Variants in PLCXD3 observed in about 807,000 individuals in gnomAD.
PLCXD3 encodes the protein PI-PLC X domain-containing protein 3.
PLCXD3 carries 19 observed loss-of-function variants against 25.5 expected under a neutral mutation model. The observed-to-expected ratio is 0.75, with a 90% CI of 0.52 to 1.09. The LOEUF is 1.09. PLCXD3 is among the 50% of genes least tolerant of loss of function. PLCXD3 has a pLI of 0.00. For synonymous variants in PLCXD3, 174 were observed against 137.6 expected (o/e 1.26, Z -1.85); for missense variants, 411 against 388.1 (o/e 1.06, Z -0.50).
intron 1 of PLCXD3, among the ~76,000 whole-genome samples, chr5:41,400,943 C>T (rs1046536298): frequency 6.6e-6 from 1 of 151,946 alleles, no homozygotes; most frequent in African/African-American, 2.4e-5. Flanking sequence ...TGTATCAAAA[C>T]ATCTCATGTA....
At chr5:41,471,289 ACCTTT>A (rs1381308472) in intron 1 of PLCXD3, among the ~76,000 whole-genome samples, 1 of 152,174 alleles carries the variant, frequency 6.6e-6, no homozygotes, top group African/African-American at 2.4e-5. Context: ...TGCCAATGCC[ACCTTT>A]CCTTCATCCC....
intron 2 of PLCXD3, among the ~76,000 whole-genome samples, chr5:41,367,298 T>C (rs1054815516): frequency 6.6e-6 from 1 of 152,154 alleles, no homozygotes; most frequent in Non-Finnish European, 1.5e-5. Flanking sequence ...CTCGCCCGTG[T>C]CTATTGTTTC....
At chr5:41,336,206 A>G (rs1403545793) in intron 2 of PLCXD3, among the ~76,000 whole-genome samples, 1 of 152,202 alleles carries the variant, frequency 6.6e-6, no homozygotes, top group Non-Finnish European at 1.5e-5. Context: ...TTTTTGTAAC[A>G]ATAAAATGAA....
At position 41,441,303 on chromosome 5, in the gene PLCXD3, T is replaced by C. The variant is rs113003284; in HGVS notation, c.104-58769A>G. Among the ~76,000 whole-genome samples, 14 of 152,308 alleles carry C rather than the reference T, an allele frequency of 9.2e-5. 3 individuals are homozygous for C. The highest frequency in any genetic ancestry group is 3.4e-4 in the African/African-American group (14 of 41,572). Reference sequence around the variant, plus strand: ...TTCTTTAGAAGACGCACTCATGCAATGTCAATACTAACTGAGATGCGACTC... The same window carrying C: ...TTCTTTAGAAGACGCACTCATGCAACGTCAATACTAACTGAGATGCGACTC... On this transcript the variant is annotated intron_variant, in intron 1 of 2. Transcript: ENST00000377801.
intron 2 of PLCXD3, among the ~76,000 whole-genome samples, chr5:41,336,013 G>C (rs913925942): frequency 2.0e-5 from 3 of 152,118 alleles, no homozygotes; most frequent in Non-Finnish European, 2.9e-5. Context: ...TCATAAGTAA[G>C]TGAGTATTTA....
intron 1 of PLCXD3, among the ~76,000 whole-genome samples, chr5:41,503,871 A>T (rs1449319152): frequency 6.6e-6 from 1 of 152,138 alleles, no homozygotes; most frequent in Non-Finnish European, 1.5e-5. Context: ...GGTTTCCAAA[A>T]ACTAATATTT....
chr5:41,394,912 G>C (rs897925011), intron 1 of PLCXD3, among the ~76,000 whole-genome samples: 5 of 152,098 alleles, frequency 3.3e-5, no homozygotes, highest in Non-Finnish European at 7.4e-5. Context: ...GCATTGGACA[G>C]ATCTTCCAGA....
chr5:41,374,135 GTTA>G (rs1254128385), intron 2 of PLCXD3, among the ~76,000 whole-genome samples: 2 of 152,078 alleles, frequency 1.3e-5, no homozygotes, highest in African/African-American at 4.8e-5. Flanking sequence ...CTAAAACCAG[GTTA>G]TTTTGTCAGT....
At chr5:41,348,553 A>G (rs777984667) in intron 2 of PLCXD3, among the ~76,000 whole-genome samples, 2 of 152,224 alleles carry the variant, frequency 1.3e-5, no homozygotes, top group Non-Finnish European at 2.9e-5. Context: ...AGGTCTTCCA[A>G]CTTTGAAAAT....
At chr5:41,323,660 A>T (rs1021199530) in intron 2 of PLCXD3, among the ~76,000 whole-genome samples, 3 of 152,202 alleles carry the variant, frequency 2.0e-5, no homozygotes, top group Admixed American at 2.0e-4. Flanking sequence ...TCACAATTAG[A>T]TGCTGCTGAA....
intron 2 of PLCXD3, among the ~76,000 whole-genome samples, chr5:41,375,006 A>G (rs1174690799): frequency 6.6e-6 from 1 of 152,104 alleles, no homozygotes; most frequent in African/African-American, 2.4e-5. Flanking sequence ...TGCAGCTGAA[A>G]AACTTCCAAG....
chr5:41,493,155 A>G (rs1196903619), intron 1 of PLCXD3, among the ~76,000 whole-genome samples: 1 of 152,170 alleles, frequency 6.6e-6, no homozygotes, highest in Non-Finnish European at 1.5e-5. Context: ...TAACAGACAG[A>G]ACCCTCAGCT....
chr5:41,390,906 G>A (rs1186045805), intron 1 of PLCXD3, among the ~76,000 whole-genome samples: 1 of 152,186 alleles, frequency 6.6e-6, no homozygotes, highest in Non-Finnish European at 1.5e-5. Flanking sequence ...GGGTACTGGG[G>A]GAGGAAGAAC....
chr5:41,406,879 C>A (rs1746367270), intron 1 of PLCXD3, among the ~76,000 whole-genome samples: 1 of 152,238 alleles, frequency 6.6e-6, no homozygotes, highest in Non-Finnish European at 1.5e-5. Flanking sequence ...GTTCCTTTTG[C>A]TTTTTGTCTC....
Position 41,435,155 on chromosome 5 carries a change from A to G in PLCXD3, c.104-52621T>C, listed in dbSNP as rs970446061. Reference sequence around the variant, plus strand: ...TAAATGGTATCGTAGTGAGAATACTATTTTGTAACCTGCTTTTACCACTTG... The same window carrying G: ...TAAATGGTATCGTAGTGAGAATACTGTTTTGTAACCTGCTTTTACCACTTG... On this transcript the variant is annotated intron_variant, in intron 1 of 2. Transcript: ENST00000377801. 3.3e-5 allele frequency among the ~76,000 whole-genome samples: 5 copies of G among 152,222 alleles called. No homozygotes were observed. In the South Asian group the frequency reaches 1.0e-3, roughly 31 times the overall value.
intron 2 of PLCXD3, among the ~76,000 whole-genome samples, chr5:41,336,648 C>G (rs1743988786): frequency 6.6e-6 from 1 of 152,064 alleles, no homozygotes; most frequent in South Asian, 2.1e-4. Flanking sequence ...AAGTTTCTGT[C>G]TGAGAATTGC....
intron 2 of PLCXD3, among the ~76,000 whole-genome samples, chr5:41,334,358 G>C (rs962572298): frequency 2.0e-5 from 3 of 151,984 alleles, no homozygotes; most frequent in Non-Finnish European, 4.4e-5. Flanking sequence ...TGTACTCCAG[G>C]GTCATTCAAA....
chr5:41,338,748 C>T (rs1419338309), intron 2 of PLCXD3, among the ~76,000 whole-genome samples: 2 of 152,124 alleles, frequency 1.3e-5, no homozygotes, highest in Non-Finnish European at 2.9e-5. Flanking sequence ...CACATAACCA[C>T]ACCATCTGTA....
intron 1 of PLCXD3, among the ~76,000 whole-genome samples, chr5:41,467,125 C>A (rs879480593): frequency 2.6e-5 from 4 of 152,084 alleles, no homozygotes; most frequent in African/African-American, 9.7e-5. Flanking sequence ...TTTTGAGTAA[C>A]CTCCATACAA....
Sources: gnomAD v4.1 joint callset for allele counts (sites outside exome capture counted in the v4.1 genomes callset) on GRCh38, gnomAD v4.1.1 for gene constraint, MANE v1.5 for transcripts, NCBI Gene and HGNC (gene_info 2026-07-23, HGNC 2026-07-21) for gene names.